Variants in PPM1L observed in about 807,000 individuals in gnomAD.
The protein encoded by PPM1L is protein phosphatase, Mg2+/Mn2+ dependent 1L.
Under a neutral mutation model 31.4 loss-of-function variants are expected in PPM1L, and 13 were observed. The observed-to-expected ratio is 0.41, with a 90% CI of 0.27 to 0.66. The LOEUF is 0.66. Ranked by LOEUF, PPM1L falls within the 30% of genes least tolerant of loss-of-function variation. PPM1L has a pLI of 0.29. For missense variants in PPM1L, 326 were observed against 453.7 expected (o/e 0.72, Z 2.56); for synonymous variants, 184 against 175.4 (o/e 1.05, Z -0.39).
chr3:160,983,732 T>G (rs1450563923), intron 2 of PPM1L, among the ~76,000 whole-genome samples: 1 of 152,190 alleles, frequency 6.6e-6, no homozygotes, highest in Non-Finnish European at 1.5e-5. Context: ...CTTCGTGGGT[T>G]CTTTTCTATT....
At chr3:160,887,742 G>A (rs1021689048) in intron 1 of PPM1L, among the ~76,000 whole-genome samples, 44 of 151,698 alleles carry the variant, frequency 2.9e-4, no homozygotes, top group South Asian at 2.1e-4. Flanking sequence ...CACCATGCCC[G>A]GCTAATTTTT....
At chr3:160,984,091 G>A (rs1466786144) in intron 2 of PPM1L, among the ~76,000 whole-genome samples, 1 of 152,176 alleles carries the variant, frequency 6.6e-6, no homozygotes. Flanking sequence ...GCAGAGAACT[G>A]GTCTGACTAG....
intron 2 of PPM1L, among the ~76,000 whole-genome samples, chr3:160,990,851 T>C (rs1228961525): frequency 1.3e-5 from 2 of 152,220 alleles, no homozygotes; most frequent in Admixed American, 1.3e-4. Flanking sequence ...GACTGTCTAT[T>C]ACATTGCAGA....
chr3:161,058,118 CTTTTTTTTTT>C lies in PPM1L; in HGVS notation c.575-7270_575-7261del, dbSNP rs1186931971. ...TTAGTAGGGTCCATCATTTTCTTTC[CTTTTTTTTTT>C]TTTTTTTTTTTTTTGACGCAGAGTC... On this transcript the variant is annotated intron_variant, in intron 2 of 3. Transcript: ENST00000498165. Among the ~76,000 whole-genome samples the C allele has an allele frequency of 9.1e-5, 5 of 54,926 alleles. 2 individuals are homozygous for C. The highest frequency in any genetic ancestry group is 1.8e-4 in the Non-Finnish European group (5 of 28,192). The allele number at this position is 54,926 out of a possible 152,430, so 36.0% of individuals were successfully genotyped here.
intron 1 of PPM1L, among the ~76,000 whole-genome samples, chr3:160,953,139 T>C (rs1221073370): frequency 6.6e-6 from 1 of 152,212 alleles, no homozygotes; most frequent in Non-Finnish European, 1.5e-5. Context: ...ACTTGGAAAT[T>C]GGGTCTCTAT....
intron 1 of PPM1L, among the ~76,000 whole-genome samples, chr3:160,866,980 C>T (rs1160275347): frequency 6.6e-6 from 1 of 152,122 alleles, no homozygotes; most frequent in Non-Finnish European, 1.5e-5. Flanking sequence ...TAGTTGGGAC[C>T]ATAGGCATGT....
At chr3:160,805,481 G>C (rs1560111595) in intron 1 of PPM1L, among the ~76,000 whole-genome samples, 2 of 152,150 alleles carry the variant, frequency 1.3e-5, no homozygotes, top group African/African-American at 4.8e-5. Flanking sequence ...CAGGACTTTG[G>C]GAAGCCGAGG....
chr3:160,798,040 T>C (rs936897169), intron 1 of PPM1L, among the ~76,000 whole-genome samples: 3 of 152,004 alleles, frequency 2.0e-5, no homozygotes, highest in African/African-American at 7.2e-5. Context: ...TAGCTGGGCG[T>C]GGTAGTGCGT....
intron 1 of PPM1L, among the ~76,000 whole-genome samples, chr3:160,910,294 CCG>C (rs1483313467): frequency 5.7e-5 from 8 of 139,262 alleles, no homozygotes; most frequent in South Asian, 5.0e-4. Flanking sequence ...TTCCCCTTCC[CCG>C]TTCCCTTCCC....
chr3:160,782,011 A>G (rs1711760412), intron 1 of PPM1L, among the ~76,000 whole-genome samples: 1 of 152,212 alleles, frequency 6.6e-6, no homozygotes, highest in African/African-American at 2.4e-5. Flanking sequence ...TATAATTTAC[A>G]TGCCATAAAA....
chr3:160,929,786 G>A (rs556370139), intron 1 of PPM1L, among the ~76,000 whole-genome samples: 36 of 152,246 alleles, frequency 2.4e-4, no homozygotes, highest in Admixed American at 7.2e-4. Context: ...CTTGTGGCTC[G>A]CATCTGTCCA....
intron 1 of PPM1L, among the ~76,000 whole-genome samples, chr3:160,824,753 G>A (rs534740495): frequency 6.6e-6 from 1 of 152,222 alleles, no homozygotes; most frequent in East Asian, 1.9e-4. Context: ...ATGTTTTTCA[G>A]AACACGAGCA....
chr3:160,902,673 C>T (rs1312600678), intron 1 of PPM1L, among the ~76,000 whole-genome samples: 2 of 152,100 alleles, frequency 1.3e-5, no homozygotes, highest in Non-Finnish European at 2.9e-5. Context: ...AATTTCTGGA[C>T]CCACTTCCCA....
At chr3:160,908,058 CAAAG>C (rs928462217) in intron 1 of PPM1L, among the ~76,000 whole-genome samples, 4 of 152,176 alleles carry the variant, frequency 2.6e-5, no homozygotes, top group Admixed American at 2.6e-4. Context: ...GAATATTCAG[CAAAG>C]AAAGAAGTTT....
At chr3:160,915,006 T>A (rs560007088) in intron 1 of PPM1L, among the ~76,000 whole-genome samples, 3 of 152,260 alleles carry the variant, frequency 2.0e-5, no homozygotes, top group Non-Finnish European at 4.4e-5. Flanking sequence ...ATGGTATCTC[T>A]TTATGGTTTT....
At chr3:160,949,308 G>C (rs934809928) in intron 1 of PPM1L, among the ~76,000 whole-genome samples, 8 of 152,132 alleles carry the variant, frequency 5.3e-5, no homozygotes, top group African/African-American at 1.9e-4. Context: ...TCTGGGAAAA[G>C]GATTTGTTGC....
chr3:160,842,261 G>T (rs949975747), intron 1 of PPM1L: 1 of 702,356 alleles, frequency 1.4e-6, no homozygotes, highest in African/African-American at 1.7e-5. Context: ...TAGCAGAGAG[G>T]GCTAGACCAG....
intron 1 of PPM1L, among the ~76,000 whole-genome samples, chr3:160,916,060 G>T (rs941147470): frequency 6.6e-6 from 1 of 152,080 alleles, no homozygotes; most frequent in African/African-American, 2.4e-5. Context: ...TAGACAAATG[G>T]GATCTAATTA....
At chr3:160,901,343 A>G (rs369822427) in intron 1 of PPM1L, among the ~76,000 whole-genome samples, 1 of 152,004 alleles carries the variant, frequency 6.6e-6, no homozygotes, top group Admixed American at 6.6e-5. Context: ...TGGTTTCTCT[A>G]CTTCCATCTT....
Sources: gnomAD v4.1 joint callset for allele counts (sites outside exome capture counted in the v4.1 genomes callset) on GRCh38, gnomAD v4.1.1 for gene constraint, MANE v1.5 for transcripts, NCBI Gene and HGNC (gene_info 2026-07-23, HGNC 2026-07-21) for gene names.